The following IMMP2L variants were observed in gnomAD, a reference collection of about 807,000 sequenced individuals.
IMMP2L encodes the protein inner mitochondrial membrane peptidase subunit 2.
In IMMP2L, 18 loss-of-function variants were observed where a neutral mutation model predicts 19.3. That is an observed-to-expected ratio of 0.93 (90% CI 0.64 to 1.38). The LOEUF (loss-of-function observed/expected upper bound fraction) is 1.38. Among genes scored for constraint, IMMP2L ranks in the 40% most tolerant of loss-of-function variants. The pLI is 0.00. For missense variants in IMMP2L, 233 were observed against 218.2 expected (o/e 1.07, Z -0.43); for synonymous variants, 76 against 73.0 (o/e 1.04, Z -0.21).
At chr7:110,684,314 T>C (rs997637457) in intron 5 of IMMP2L, among the ~76,000 whole-genome samples, 1 of 152,056 alleles carries the variant, frequency 6.6e-6, no homozygotes, top group Non-Finnish European at 1.5e-5. Flanking sequence ...ATGTTGATTA[T>C]GTATATGCCA....
intron 3 of IMMP2L, 81 bp from the exon 4 acceptor site, chr7:110,963,646 A>G: frequency 2.5e-6 from 2 of 813,162 alleles, no homozygotes; most frequent in Non-Finnish European, 3.9e-6. Flanking sequence ...ATAACAAAAT[A>G]GGCTATATTA....
intron 3 of IMMP2L, among the ~76,000 whole-genome samples, chr7:111,025,575 T>TA (rs1322360543): frequency 1.3e-5 from 2 of 151,964 alleles, no homozygotes; most frequent in East Asian, 3.9e-4. Context: ...CCCCTGAAAA[T>TA]AAAAAATAGG....
At chr7:110,860,013 A>T (rs1188060255) in intron 5 of IMMP2L, among the ~76,000 whole-genome samples, 1 of 152,102 alleles carries the variant, frequency 6.6e-6, no homozygotes, top group Non-Finnish European at 1.5e-5. Context: ...GAATTCATGA[A>T]CCAACCTGTC....
intron 3 of IMMP2L, among the ~76,000 whole-genome samples, chr7:111,393,894 C>G (rs112178875): frequency 2.6e-5 from 4 of 152,090 alleles, no homozygotes; most frequent in African/African-American, 9.6e-5. Context: ...AAGGAGAGGC[C>G]CAAAGATAGC....
chr7:111,158,668 T>C (rs910052685), intron 3 of IMMP2L, among the ~76,000 whole-genome samples: 2 of 152,204 alleles, frequency 1.3e-5, no homozygotes, highest in African/African-American at 2.4e-5. Flanking sequence ...TTATATTGCA[T>C]ATACGTTTTT....
intron 5 of IMMP2L, among the ~76,000 whole-genome samples, chr7:110,703,703 G>T (rs938937465): frequency 6.6e-6 from 1 of 152,110 alleles, no homozygotes; most frequent in African/African-American, 2.4e-5. Context: ...ACAAAACATT[G>T]ATGTTTGCAA....
At position 110,663,630 on chromosome 7, in the gene IMMP2L, C is replaced by A. The variant is rs200952795; in HGVS notation, c.500G>T (p.Arg167Leu). 6.2e-7 allele frequency: 1 copy of A among 1,612,578 alleles called. No homozygotes were observed. The highest frequency in any genetic ancestry group is 1.1e-5 in the South Asian group (1 of 90,996). The change falls in exon 6 of 6, where the codon CGC becomes CTC. Residue 167 changes from arginine to leucine, a missense_variant. Transcript: ENST00000405709. ...QKLESVLPPE[R>L]LPVQREEE The stretch of plus-strand genomic sequence containing the variant: ...TTCCTCTTCTCTCTGTACTGGTAAG[C>A]GCTCTGGAGGAAGAACAGATTCCAA...
intron 3 of IMMP2L, among the ~76,000 whole-genome samples, chr7:111,359,380 C>T (rs563407074): frequency 4.6e-5 from 7 of 152,142 alleles, no homozygotes; most frequent in African/African-American, 1.7e-4. Context: ...CAGCTCACTG[C>T]AACTTCCACC....
At chr7:111,469,100 T>G (rs542213316) in intron 3 of IMMP2L, among the ~76,000 whole-genome samples, 3 of 152,258 alleles carry the variant, frequency 2.0e-5, no homozygotes, top group Admixed American at 6.5e-5. Context: ...CTCTGTTCTG[T>G]TCCACTGATC....
At chr7:111,195,410 A>C (rs1353903157) in intron 3 of IMMP2L, among the ~76,000 whole-genome samples, 1 of 151,970 alleles carries the variant, frequency 6.6e-6, no homozygotes, top group Non-Finnish European at 1.5e-5. Flanking sequence ...TAAGTTGAAA[A>C]TATAAACTTG....
chr7:111,104,280 T>C (rs372078026), intron 3 of IMMP2L, among the ~76,000 whole-genome samples: 1 of 151,730 alleles, frequency 6.6e-6, no homozygotes, highest in East Asian at 1.9e-4. Context: ...CTTCTCCCAC[T>C]CCCTCTGTGT....
chr7:111,495,132 A>G (rs1311205275), intron 2 of IMMP2L, among the ~76,000 whole-genome samples: 2 of 152,176 alleles, frequency 1.3e-5, no homozygotes, highest in Non-Finnish European at 2.9e-5. Flanking sequence ...TAAAACATAT[A>G]CACACATACA....
intron 3 of IMMP2L, among the ~76,000 whole-genome samples, chr7:111,001,006 T>A (rs975729939): frequency 6.6e-6 from 1 of 152,214 alleles, no homozygotes; most frequent in Non-Finnish European, 1.5e-5. Flanking sequence ...GAACCAAAAC[T>A]GCATATAGAT....
intron 5 of IMMP2L, among the ~76,000 whole-genome samples, chr7:110,713,648 A>T (rs1202065172): frequency 1.6e-5 from 1 of 62,280 alleles, no homozygotes; most frequent in Non-Finnish European, 3.2e-5. Flanking sequence ...GTGTATTTTT[A>T]GGTGTTTTTT....
At chr7:111,221,318 A>T (rs17441577) in intron 3 of IMMP2L, among the ~76,000 whole-genome samples, 6,496 of 152,202 alleles carry the variant, frequency 0.043, 201 homozygotes, top group South Asian at 0.082. Flanking sequence ...TACTTGAAAA[A>T]TTTTAAAAAT....
At chr7:111,014,785 A>C (rs1825335477) in intron 3 of IMMP2L, among the ~76,000 whole-genome samples, 1 of 152,198 alleles carries the variant, frequency 6.6e-6, no homozygotes, top group African/African-American at 2.4e-5. Context: ...TATTTCTGCA[A>C]ATATGACATA....
At chr7:110,907,187 C>T (rs992659301) in intron 4 of IMMP2L, among the ~76,000 whole-genome samples, 1 of 152,132 alleles carries the variant, frequency 6.6e-6, no homozygotes, top group African/African-American at 2.4e-5. Context: ...AGTGTGACAG[C>T]CTTTTGCGCC....
intron 3 of IMMP2L, among the ~76,000 whole-genome samples, chr7:111,342,285 A>C (rs1234208979): frequency 6.6e-6 from 1 of 151,988 alleles, no homozygotes; most frequent in African/African-American, 2.4e-5. Context: ...TTTTTTGCAT[A>C]TATACAAAAT....
At chr7:111,115,050 A>T (rs1483318109) in intron 3 of IMMP2L, among the ~76,000 whole-genome samples, 1 of 152,142 alleles carries the variant, frequency 6.6e-6, no homozygotes, top group Non-Finnish European at 1.5e-5. Context: ...TCAATCTAAG[A>T]TGAGTGAATA....
Sources: gnomAD v4.1 joint callset for allele counts (sites outside exome capture counted in the v4.1 genomes callset) on GRCh38, gnomAD v4.1.1 for gene constraint, MANE v1.5 for transcripts, NCBI Gene and HGNC (gene_info 2026-07-23, HGNC 2026-07-21) for gene names.